The following CRMP1 variants were observed in gnomAD, a reference collection of about 807,000 sequenced individuals.
The protein encoded by CRMP1 is collapsin response mediator protein 1, also known as dihydropyrimidinase-related protein 1.
In CRMP1, 19 loss-of-function variants were observed where a neutral mutation model predicts 68.3. The ratio of observed to expected loss-of-function variants is 0.28; its 90% CI spans 0.19 to 0.41. The LOEUF (loss-of-function observed/expected upper bound fraction) is 0.41. Among genes scored for constraint, CRMP1 ranks in the 10% least tolerant of loss-of-function variants. The pLI is 1.00. For synonymous variants in CRMP1, 439 were observed against 399.6 expected, an observed-to-expected ratio of 1.10 and a Z score of -1.18; for missense variants, 791 against 967.4, an observed-to-expected ratio of 0.82 and a Z score of 2.42.
intron 9 of CRMP1, among the ~76,000 whole-genome samples, chr4:5,839,063 C>T (rs560961766): frequency 5.7e-4 from 87 of 152,342 alleles, no homozygotes; most frequent in African/African-American, 1.7e-3. Context: ...CAGGCAGCAG[C>T]GGCCACTTCT....
rs907516703 is a variant in CRMP1, at chr4:5,854,270, G to C, written c.820+1873C>G. 6.6e-6 allele frequency among the ~76,000 whole-genome samples: 1 copy of C among 152,042 alleles called. No individual in the cohort carries two copies. The highest frequency in any genetic ancestry group is 1.5e-5 in the Non-Finnish European group (1 of 68,022). ...AGGATAATGCCTTTTTCTTTTAAAA[G>C]ATAGGGTCTCACTCTATGAGCCAGG... On this transcript the variant is annotated intron_variant, in intron 4 of 13. Coordinates refer to ENST00000324989, the MANE Select transcript of CRMP1 (RefSeq NM_001014809.3). The surrounding 1 kb of genome is among the most constrained non-coding windows in gnomAD (Gnocchi z 4.0).
rs1010912050 is a variant in CRMP1, at chr4:5,859,898, C to A, written c.655+1128G>T. On this transcript the variant is annotated intron_variant, in intron 3 of 13. Transcript: ENST00000324989. The surrounding 1 kb of genome is among the most constrained non-coding windows in gnomAD (Gnocchi z 5.2). ...GGGTTGGGGCCAGCTTACAGACAGG[C>A]CTCCTGAAACCGAAGAGCCTAACAG... is the stretch of plus-strand genomic sequence containing the variant. 4.6e-5 allele frequency among the ~76,000 whole-genome samples: 7 copies of A among 152,148 alleles called. No individual in the cohort carries two copies. Among genetic ancestry groups the A allele is most frequent in the African/African-American group, 1.7e-4 (7 of 41,440 alleles).
intron 12 of CRMP1, chr4:5,827,976 G>T (rs1337735973): frequency 1.1e-6 from 1 of 935,608 alleles, no homozygotes; most frequent in Non-Finnish European, 1.3e-6. Context: ...GGAAAATAAG[G>T]AACGACAGGG....
At position 5,855,481 on chromosome 4, in the gene CRMP1, T is replaced by C. The variant is rs1712989226; in HGVS notation, c.820+662A>G. ...TTCTGATCAGTTCCCCCCAGTTCGA[T>C]GTAACACACACCATAAAGGTCTACA... On this transcript the variant is annotated intron_variant, in intron 4 of 13. Transcript: ENST00000324989. The surrounding 1 kb of genome is among the most constrained non-coding windows in gnomAD (Gnocchi z 4.9). Among the ~76,000 whole-genome samples, 1 of 152,122 alleles carries C rather than the reference T, an allele frequency of 6.6e-6. No individual in the cohort carries two copies. The highest frequency in any genetic ancestry group is 6.5e-5 in the Admixed American group (1 of 15,268).
intron 13 of CRMP1, chr4:5,824,580 T>G (rs945377027): frequency 3.1e-6 from 3 of 967,186 alleles, no homozygotes; most frequent in Middle Eastern, 5.3e-4. Context: ...ATTGACCAAA[T>G]CCGGCCCACC....
intron 1 of CRMP1, among the ~76,000 whole-genome samples, chr4:5,871,670 C>CA (rs1198125701): frequency 1.2e-4 from 18 of 149,614 alleles, no homozygotes; most frequent in Admixed American, 4.0e-4. Flanking sequence ...CCCCGCCCAC[C>CA]AAAAAAAAGA....
At chr4:5,873,808 C>G (rs1714625911) in intron 1 of CRMP1, among the ~76,000 whole-genome samples, 1 of 152,064 alleles carries the variant, frequency 6.6e-6, no homozygotes, top group African/African-American at 2.4e-5. Flanking sequence ...TCTTCTTTGG[C>G]TGAAGGGTGA....
At position 5,855,519 on chromosome 4, in the gene CRMP1, G is replaced by C. The variant is rs1164886599; in HGVS notation, c.820+624C>G. Among the ~76,000 whole-genome samples the C allele has an allele frequency of 6.6e-6, 1 of 152,168 alleles. No homozygotes were observed. Among genetic ancestry groups the C allele is most frequent in the African/African-American group, 2.4e-5 (1 of 41,430 alleles). Reference sequence around the variant, plus strand: ...ATAAAGGTCTACACTGTGCTGGTGTGAACCCAAACAGAGGGGAGCCAAGGT... The same window carrying C: ...ATAAAGGTCTACACTGTGCTGGTGTCAACCCAAACAGAGGGGAGCCAAGGT... On this transcript the variant is annotated intron_variant, in intron 4 of 13. Transcript: ENST00000324989. The surrounding 1 kb of genome is among the most constrained non-coding windows in gnomAD (Gnocchi z 4.9).
intron 1 of CRMP1, among the ~76,000 whole-genome samples, chr4:5,876,675 T>C (rs1277298842): frequency 6.6e-6 from 1 of 152,138 alleles, no homozygotes; most frequent in Middle Eastern, 3.2e-3. Flanking sequence ...AAAGGCCACA[T>C]ACTCATGATG....
In CRMP1 at chr4:5,828,563, T is replaced by C; in HGVS notation, c.1729A>G (p.Lys577Glu). 6.2e-7 allele frequency: 1 copy of C among 1,614,218 alleles called. No homozygotes were observed. Among genetic ancestry groups the C allele is most frequent in the South Asian group, 1.1e-5 (1 of 91,086 alleles). The change falls in exon 12 of 14, where the codon AAG becomes GAG. Residue 577 changes from lysine to glutamate, a missense_variant. Coordinates refer to ENST00000324989, the MANE Select transcript of CRMP1 (RefSeq NM_001014809.3). The stretch of plus-strand genomic sequence containing the variant: ...CGCGGAATGAAGCGGCCCATGCCCT[T>C]GTTGACGTTGATGTTTCCGTCTTCA... Reference protein sequence around the residue: ...VFEDGNINVNKGMGRFIPRKA... With the variant: ...VFEDGNINVNEGMGRFIPRKA...
chr4:5,846,599 C>CTT (rs34423528), intron 6 of CRMP1, among the ~76,000 whole-genome samples: 11,877 of 147,520 alleles, frequency 0.081, 494 homozygotes, highest in Middle Eastern at 0.09. Context: ...CCCCAAAATT[C>CTT]TTTTTTTTTT....
chr4:5,844,916 A>G (rs1329008586), intron 6 of CRMP1, among the ~76,000 whole-genome samples: 2 of 152,266 alleles, frequency 1.3e-5, no homozygotes, highest in Non-Finnish European at 2.9e-5. Context: ...AAGAACAAGC[A>G]CAGAAGCCTC....
rs1158834348 is a variant in CRMP1, at chr4:5,865,452, C to G, written c.470+1216G>C. On this transcript the variant is annotated intron_variant, in intron 2 of 13. Coordinates refer to ENST00000324989, the MANE Select transcript of CRMP1 (RefSeq NM_001014809.3). The surrounding 1 kb of genome is among the most constrained non-coding windows in gnomAD (Gnocchi z 4.1). ...CTGGCCAACATGGTGAAACCCCCGT[C>G]TCTACTAAAATGCAAAAAAGTAGCG... Among the ~76,000 whole-genome samples, 1 of 151,984 alleles carries G rather than the reference C, an allele frequency of 6.6e-6. No individual in the cohort carries two copies. Among genetic ancestry groups the G allele is most frequent in the Admixed American group, 6.6e-5 (1 of 15,260 alleles).
rs1202273239 is a variant in CRMP1 at position 5,892,264 on chromosome 4, C to G, written c.381+325G>C. ...CTGGGTTAGATTCATCCCAGAGGTT[C>G]CTTCGCGTTTAAGCGTCCATGCGGT... On this transcript the variant is annotated intron_variant, in intron 1 of 13. Transcript: ENST00000324989. This position sits in a 1 kb window ranked among gnomAD's most constrained non-coding sequence, Gnocchi z 8.6. Among the ~76,000 whole-genome samples the G allele has an allele frequency of 6.6e-6, 1 of 152,242 alleles. No individual in the cohort carries two copies. The highest frequency in any genetic ancestry group is 1.9e-4 in the East Asian group (1 of 5,176).
In CRMP1 at chr4:5,870,070, C is replaced by T. The variant is rs1257072370; in HGVS notation, c.382-3314G>A. On this transcript the variant is annotated intron_variant, in intron 1 of 13. Transcript: ENST00000324989. The surrounding 1 kb of genome is among the most constrained non-coding windows in gnomAD (Gnocchi z 6.0). ...ACATCATGCAGTCGGCTGCTCAAAG[C>T]TTCTTGCATCAGAATCATACTTCCC... Among the ~76,000 whole-genome samples the T allele has an allele frequency of 6.6e-6, 1 of 152,226 alleles. No individual in the cohort carries two copies. The highest frequency in any genetic ancestry group is 6.5e-5 in the Admixed American group (1 of 15,286).
intron 1 of CRMP1, among the ~76,000 whole-genome samples, chr4:5,868,281 A>ATATAGATATATC (rs1714164294): frequency 2.2e-5 from 2 of 89,144 alleles, no homozygotes; most frequent in Admixed American, 9.4e-5. Context: ...ATATATATAT[A>ATATAGATATATC]TATATATATA....
At chr4:5,837,519 T>C (rs1720797317) in intron 9 of CRMP1, among the ~76,000 whole-genome samples, 1 of 149,154 alleles carries the variant, frequency 6.7e-6, no homozygotes, top group African/African-American at 2.5e-5. Flanking sequence ...TCCCAGCTAC[T>C]CAGGAGGCTA....
In CRMP1 at chr4:5,853,665, A is replaced by G. The variant is rs561188552; in HGVS notation, c.821-2196T>C. Among the ~76,000 whole-genome samples the G allele has an allele frequency of 1.6e-4, 24 of 152,376 alleles. No homozygotes were observed. The highest frequency in any genetic ancestry group is 6.8e-3 in the Middle Eastern group (2 of 294). ...TCCCGTGTTCATTGAGGCATTGTTT[A>G]TAACAGCCAAGATTAGGAAGCAACC... On this transcript the variant is annotated intron_variant, in intron 4 of 13. Transcript: ENST00000324989. This position sits in a 1 kb window ranked among gnomAD's most constrained non-coding sequence, Gnocchi z 4.7.
chr4:5,852,377 T>C (rs1395507742), intron 4 of CRMP1, among the ~76,000 whole-genome samples: 1 of 152,172 alleles, frequency 6.6e-6, no homozygotes, highest in Admixed American at 6.5e-5. Context: ...CACAGTACAC[T>C]CATGACAAAT....
Sources: gnomAD v4.1 joint callset for allele counts (sites outside exome capture counted in the v4.1 genomes callset) on GRCh38, gnomAD v4.1.1 for gene constraint, Gnocchi (gnomAD v3.1) non-coding constraint, MANE v1.5 for transcripts, NCBI Gene and HGNC (gene_info 2026-07-23, HGNC 2026-07-21) for gene names.